The following DEFB116 variants were observed in gnomAD, a reference collection of about 807,000 sequenced individuals.
DEFB116 encodes beta-defensin 116.
A neutral mutation model predicts 2.8 loss-of-function variants in DEFB116; 5 were observed. That is an observed-to-expected ratio of 1.80 (90% CI 0.94 to 3.79). DEFB116 has a LOEUF of 3.79. Ranked by LOEUF, DEFB116 falls within the 30% of genes most tolerant of loss-of-function variation. DEFB116 has a pLI of 0.00. For missense variants in DEFB116, 170 were observed against 118.0 expected (o/e 1.44, Z -2.04); for synonymous variants, 56 against 40.8 (o/e 1.37, Z -1.42).
In DEFB116 at chr20:31,303,336, G is replaced by T. The variant is rs774121307; in HGVS notation, c.185C>A (p.Pro62Gln). 7.4e-6 allele frequency: 12 copies of T among 1,613,416 alleles called. No homozygotes were observed. In the South Asian group the frequency reaches 1.1e-4, roughly 15 times the overall value. The change falls in exon 2 of 2, where the codon CCA (proline) becomes CAA (glutamine). Residue 62 changes from proline (P) to glutamine (Q), a missense_variant. Coordinates refer to ENST00000400549, the MANE Select transcript of DEFB116 (RefSeq NM_001037731.1). The stretch of plus-strand genomic sequence containing the variant: ...TTTCAGGCAGCACTTTTGATCATTT[G>T]GGCAGGTTAAGTATTGGATTTCATA... Reference protein sequence around the residue: ...REYEIQYLTCPNDQKCCLKLS... With the variant: ...REYEIQYLTCQNDQKCCLKLS...
chr20:31,307,086 G>A (rs1383026051), intron 1 of DEFB116, among the ~76,000 whole-genome samples: 1 of 152,070 alleles, frequency 6.6e-6, no homozygotes, highest in Admixed American at 6.6e-5. Flanking sequence ...GATGAGTTTG[G>A]AGATAAGCAT....
At chr20:31,306,075 G>A (rs1296805862) in intron 1 of DEFB116, among the ~76,000 whole-genome samples, 7 of 151,944 alleles carry the variant, frequency 4.6e-5, no homozygotes, top group Non-Finnish European at 1.0e-4. Context: ...GTATCCTCTG[G>A]ACCTTTTTAA....
At chr20:31,307,574 G>A (rs575585767) in intron 1 of DEFB116, among the ~76,000 whole-genome samples, 1 of 152,098 alleles carries the variant, frequency 6.6e-6, no homozygotes, top group East Asian at 1.9e-4. Context: ...GGGGATTGCA[G>A]CAATCTAGAA....
chr20:31,308,170 C>G (rs1985037974), intron 1 of DEFB116, among the ~76,000 whole-genome samples: 1 of 152,098 alleles, frequency 6.6e-6, no homozygotes, highest in Admixed American at 6.6e-5. Flanking sequence ...ACTCCCTACC[C>G]AACTCCAAAC....
chr20:31,303,421 G>A lies in DEFB116; in HGVS notation c.100C>T (p.Arg34Ter), dbSNP rs763134917. ...GLFRSHNGKS[R>*]EPWNPCELYQ... The stretch of plus-strand genomic sequence containing the variant: ...AGCTCACATGGATTCCAAGGCTCTC[G>A]GCTCTTGCCATTGTGGGATCTGAAC... Residue 34 changes from arginine to a stop codon, truncating the protein, a stop_gained, in exon 2 of 2, where the codon CGA (arginine) becomes TGA (stop). Coordinates refer to ENST00000400549, the MANE Select transcript of DEFB116 (RefSeq NM_001037731.1). LOFTEE classifies it low-confidence loss of function (END_TRUNC). 2.4e-5 allele frequency: 38 copies of A among 1,613,224 alleles called. No individual in the cohort carries two copies. In the Admixed American group the frequency reaches 3.0e-4, roughly 13 times the overall value.
Position 31,303,298 on chromosome 20 carries a change from T to C in DEFB116, c.223A>G (p.Ile75Val). 6.2e-7 allele frequency: 1 copy of C among 1,613,648 alleles called. No homozygotes were observed. The highest frequency in any genetic ancestry group is 8.5e-7 in the Non-Finnish European group (1 of 1,179,608). ...TCCTTCACATTTTTAGAACTGGTTATTTTCACAGAAAGTTTCAGGCAGCAC... is the reference window on the plus strand; with the variant it reads ...TCCTTCACATTTTTAGAACTGGTTACTTTCACAGAAAGTTTCAGGCAGCAC... ...QKCCLKLSVK[I>V]TSSKNVKEDY... is the part of the protein sequence containing the mutation. The change falls in exon 2 of 2, where the codon ATA becomes GTA. Residue 75 changes from isoleucine (I) to valine (V), a missense_variant. By Grantham distance (29) the Ile-to-Val change is conservative. Coordinates refer to ENST00000400549, the MANE Select transcript of DEFB116 (RefSeq NM_001037731.1).
chr20:31,304,152 G>A (rs1431587871), intron 1 of DEFB116, among the ~76,000 whole-genome samples: 1 of 152,000 alleles, frequency 6.6e-6, no homozygotes, highest in Non-Finnish European at 1.5e-5. Context: ...CCTTCACCAT[G>A]CACTTTCCAC....
At chr20:31,306,552 C>G (rs528368016) in intron 1 of DEFB116, among the ~76,000 whole-genome samples, 1 of 152,076 alleles carries the variant, frequency 6.6e-6, no homozygotes, top group Non-Finnish European at 1.5e-5. Context: ...TTTTCTACCA[C>G]CATTAGAAAT....
rs909699119 is a variant in DEFB116, at chr20:31,303,490, C to A, written c.68-37G>T. The A allele has an allele frequency of 3.1e-6, 5 of 1,609,710 alleles. No homozygotes were observed. In the African/African-American group the frequency reaches 6.7e-5, roughly 22 times the overall value. On this transcript the variant is annotated intron_variant, in intron 1 of 1. Transcript: ENST00000400549. Reference sequence around the variant, plus strand: ...ATGGCCATGTTTAGTTTCCATGCAGCAGTGATAATAGGGTGATGAAGCATG... The same window carrying A: ...ATGGCCATGTTTAGTTTCCATGCAGAAGTGATAATAGGGTGATGAAGCATG...
intron 1 of DEFB116, among the ~76,000 whole-genome samples, chr20:31,306,528 C>T (rs559437648): frequency 1.3e-5 from 2 of 152,064 alleles, no homozygotes. Flanking sequence ...GTGTTTCTTG[C>T]AAACCCACTT....
At chr20:31,307,289 T>C (rs1985012400) in intron 1 of DEFB116, among the ~76,000 whole-genome samples, 1 of 152,154 alleles carries the variant, frequency 6.6e-6, no homozygotes, top group Non-Finnish European at 1.5e-5. Context: ...AACTGTGTTG[T>C]ACAGTAGATT....
At chr20:31,303,603 C>A (rs1984932341) in intron 1 of DEFB116, 150 bp from the exon 2 acceptor site, 3 of 1,139,548 alleles carry the variant, frequency 2.6e-6, no homozygotes, top group African/African-American at 1.6e-5. Flanking sequence ...TGCCATTTAC[C>A]ATCTCTCCCT....
At chr20:31,307,507 G>A (rs972456806) in intron 1 of DEFB116, among the ~76,000 whole-genome samples, 1 of 152,010 alleles carries the variant, frequency 6.6e-6, no homozygotes, top group African/African-American at 2.4e-5. Flanking sequence ...GTTGGCCTTG[G>A]GAAGGATTTT....
intron 1 of DEFB116, 108 bp downstream of exon 1, chr20:31,308,411 A>C (rs1265035502): frequency 2.4e-5 from 25 of 1,034,874 alleles, no homozygotes; most frequent in Non-Finnish European, 8.9e-6. Context: ...AGACCAGAAA[A>C]GGCTTTAGGT....
At chr20:31,304,330 C>G (rs1843329224) in intron 1 of DEFB116, among the ~76,000 whole-genome samples, 1 of 152,100 alleles carries the variant, frequency 6.6e-6, no homozygotes, top group African/African-American at 2.4e-5. Flanking sequence ...TGATGTTCTA[C>G]AGACAAAGGA....
In DEFB116 at chr20:31,303,383, C is replaced by A. The variant is rs750343438; in HGVS notation, c.138G>T (p.Met46Ile). ...CATATTCTCTGCAGGCGTTTCTGCA[C>A]ATGCCTTGGTAAAGCTCACATGGAT... The part of the protein sequence containing the change: ...PWNPCELYQG[M>I]CRNACREYEI... Residue 46 changes from methionine to isoleucine, a missense_variant, in exon 2 of 2, where the codon ATG (methionine) becomes ATT (isoleucine). Physicochemically the swap from Met to Ile is conservative, Grantham distance 10. Coordinates refer to ENST00000400549, the MANE Select transcript of DEFB116 (RefSeq NM_001037731.1). The A allele has an allele frequency of 1.2e-6, 2 of 1,613,518 alleles. No homozygotes were observed. The highest frequency in any genetic ancestry group is 3.3e-5 in the Admixed American group (2 of 59,958).
chr20:31,304,119 A>AG (rs754982002), intron 1 of DEFB116, among the ~76,000 whole-genome samples: 19 of 152,126 alleles, frequency 1.2e-4, no homozygotes, highest in Non-Finnish European at 1.9e-4. Flanking sequence ...ACATAAATTG[A>AG]GCACATGTGC....
intron 1 of DEFB116, among the ~76,000 whole-genome samples, chr20:31,304,272 A>T (rs1984945158): frequency 6.6e-6 from 1 of 152,132 alleles, no homozygotes; most frequent in Non-Finnish European, 1.5e-5. Flanking sequence ...CCTGACACTT[A>T]ATCAGCATTC....
At chr20:31,305,596 A>T (rs1251525379) in intron 1 of DEFB116, among the ~76,000 whole-genome samples, 1 of 152,090 alleles carries the variant, frequency 6.6e-6, no homozygotes, top group African/African-American at 2.4e-5. Context: ...CATCAAATTA[A>T]TGTTAACTTT....
Sources: gnomAD v4.1 joint callset for allele counts (sites outside exome capture counted in the v4.1 genomes callset) on GRCh38, gnomAD v4.1.1 for gene constraint, MANE v1.5 for transcripts, NCBI Gene and HGNC (gene_info 2026-07-23, HGNC 2026-07-21) for gene names.